PNLDC1: variants seen among roughly 807,000 people sequenced by gnomAD.
PNLDC1 encodes the protein PARN like ribonuclease domain containing exonuclease 1, also known as poly(A)-specific ribonuclease PNLDC1.
A neutral mutation model predicts 82.0 loss-of-function variants in PNLDC1; 70 were observed. The observed-to-expected ratio is 0.85, with a 90% CI of 0.70 to 1.04. The LOEUF (loss-of-function observed/expected upper bound fraction) is 1.04, where lower values mean the gene tolerates loss of function less well. Among genes scored for constraint, PNLDC1 ranks in the 50% least tolerant of loss-of-function variants. The pLI is 0.00. For missense variants in PNLDC1, 631 were observed against 661.1 expected, an observed-to-expected ratio of 0.95 and a Z score of 0.50; for synonymous variants, 280 against 249.3, an observed-to-expected ratio of 1.12 and a Z score of -1.16.
At chr6:159,816,165 A>ACCCCTCCCCCCCCCCCCACC in intron 13 of PNLDC1, 132 bp downstream of exon 13, 1 of 77,552 alleles carries the variant, frequency 1.3e-5, no homozygotes, top group Non-Finnish European at 2.2e-5. Context: ...ACCCCCCCAC[A>ACCCCTCCCCCCCCCCCCACC]CCCCTCCCCT....
Position 159,800,311 on chromosome 6 carries a change from G to T in PNLDC1, c.4G>T (p.Asp2Tyr), listed in dbSNP as rs1781190428. The change falls in exon 1 of 19, where the codon GAC becomes TAC. Residue 2 changes from aspartate (D) to tyrosine (Y), a missense_variant. Asp to Tyr is a radical substitution (Grantham distance 160). Transcript: ENST00000392167. ...GACTCCGCGGAGCTGCACGGCCATGGACGTGGGCGCCGACGAGTTCGAGGA... is the reference window on the plus strand; with the variant it reads ...GACTCCGCGGAGCTGCACGGCCATGTACGTGGGCGCCGACGAGTTCGAGGA... M[D>Y]VGADEFEESL... 3.2e-6 allele frequency: 5 copies of T among 1,546,986 alleles called. No homozygotes were observed. The highest frequency in any genetic ancestry group is 4.4e-6 in the Non-Finnish European group (5 of 1,145,814).
At chr6:159,809,967 C>T in intron 9 of PNLDC1, 59 bp from the exon 10 acceptor site, 2 of 1,376,322 alleles carry the variant, frequency 1.5e-6, no homozygotes, top group African/African-American at 1.4e-5. Flanking sequence ...AACTGTTAGT[C>T]TGTAGTGTCT....
Position 159,809,094 on chromosome 6 carries a change from A to G in PNLDC1, c.719A>G (p.Glu240Gly). ...TGTGACCGAGAGAGCTGTTGGAAGG[A>G]AAATATTCTTCTCTCAGCAAGGGGT... ...TSCDRESCWK[E>G]NILLSARGFS... The change falls in exon 9 of 19, where the codon GAA becomes GGA. Residue 240 changes from glutamate to glycine, a missense_variant. Physicochemically the swap from Glu to Gly is moderately conservative, Grantham distance 98 (BLOSUM62 -2). Coordinates refer to ENST00000392167, the MANE Select transcript of PNLDC1 (RefSeq NM_001271862.2). 1 of 1,614,138 alleles carries G rather than the reference A, an allele frequency of 6.2e-7. No individual in the cohort carries two copies. Among genetic ancestry groups the G allele is most frequent in the East Asian group, 2.2e-5 (1 of 44,886 alleles).
In PNLDC1 at chr6:159,809,008, T is replaced by G. The variant is rs543515099; in HGVS notation, c.640-7T>G. On this transcript the variant is annotated splice_region_variant and splice_polypyrimidine_tract_variant and intron_variant, in intron 8 of 18. Transcript: ENST00000392167. ...CAGGATTCAGGGAATTTGTCCCTGCTTTTCAGGTGGTAGTGAAGAAAGTGA... is the reference window on the plus strand; with the variant it reads ...CAGGATTCAGGGAATTTGTCCCTGCGTTTCAGGTGGTAGTGAAGAAAGTGA... 6.2e-7 allele frequency: 1 copy of G among 1,611,614 alleles called. No homozygotes were observed. The highest frequency in any genetic ancestry group is 1.3e-5 in the African/African-American group (1 of 74,772).
At chr6:159,820,312 A>T in intron 18 of PNLDC1, 142 bp from the exon 19 acceptor site, 3 of 761,614 alleles carry the variant, frequency 3.9e-6, no homozygotes, top group Non-Finnish European at 6.6e-6. Flanking sequence ...GAGAGGCAGA[A>T]GTTCAGTGTT....
intron 6 of PNLDC1, 179 bp from the exon 7 acceptor site, chr6:159,805,804 T>C: frequency 3.4e-6 from 2 of 593,730 alleles, no homozygotes; most frequent in East Asian, 5.8e-5. Context: ...ATTCTTCCAA[T>C]TGTTTGGCTT....
At chr6:159,802,054 A>G (rs991496042) in intron 3 of PNLDC1, among the ~76,000 whole-genome samples, 2 of 151,974 alleles carry the variant, frequency 1.3e-5, no homozygotes, top group Non-Finnish European at 2.9e-5. Flanking sequence ...GGCCTGGCTA[A>G]TTTTTGTATT....
At chr6:159,804,120 C>G in intron 5 of PNLDC1, 32 bp downstream of exon 5, 3 of 1,607,800 alleles carry the variant, frequency 1.9e-6, no homozygotes, top group Non-Finnish European at 1.7e-6. Flanking sequence ...ACGGGAATGT[C>G]TTTTGTTTGT....
At position 159,801,817 on chromosome 6, in the gene PNLDC1, CTTT is replaced by C. The variant is rs534898784; in HGVS notation, c.208+640_208+642del. ...TTTAAGGTCATCTCAGTTTCAGAAA[CTTT>C]TTTTTTTTCCTTGATGGGATTTGGA... On this transcript the variant is annotated intron_variant, in intron 3 of 18. Coordinates refer to ENST00000392167, the MANE Select transcript of PNLDC1 (RefSeq NM_001271862.2). Among the ~76,000 whole-genome samples, 900 of 148,488 alleles carry C rather than the reference CTTT, an allele frequency of 6.1e-3. 9 individuals are homozygous for C. Among genetic ancestry groups the C allele is most frequent in the African/African-American group, 0.021 (871 of 40,524 alleles).
intron 12 of PNLDC1, 56 bp from the exon 13 acceptor site, chr6:159,815,913 C>A: frequency 7.2e-7 from 1 of 1,387,032 alleles, no homozygotes; most frequent in Non-Finnish European, 1.0e-6. Flanking sequence ...AGGGGGAATA[C>A]AAGAAGGGAT....
chr6:159,800,609 G>A (rs1226423267), intron 1 of PNLDC1, 163 bp from the exon 2 acceptor site: 11 of 1,569,708 alleles, frequency 7.0e-6, no homozygotes, highest in Middle Eastern at 2.1e-4. Flanking sequence ...CCAGGTGCCT[G>A]GCTGCTCCTT....
chr6:159,809,607 A>G (rs1460257285), intron 9 of PNLDC1, among the ~76,000 whole-genome samples: 2 of 152,062 alleles, frequency 1.3e-5, no homozygotes. Context: ...CTTCTCATTT[A>G]TAACTAGCTT....
chr6:159,806,596 T>G (rs1013257281), intron 7 of PNLDC1, among the ~76,000 whole-genome samples: 4 of 152,232 alleles, frequency 2.6e-5, no homozygotes, highest in African/African-American at 9.6e-5. Context: ...CGGACAAAGC[T>G]GCTGGCATCT....
chr6:159,800,861 G>C (rs574707865), intron 2 of PNLDC1, 32 bp downstream of exon 2: 4 of 1,613,932 alleles, frequency 2.5e-6, no homozygotes, highest in African/African-American at 2.7e-5. Flanking sequence ...CTCTGTATAA[G>C]AGCCTGGCCA....
rs765925836 is a variant in PNLDC1 at position 159,808,835 on chromosome 6, CG to C, written c.639+23del. The C allele has an allele frequency of 2.0e-5, 33 of 1,612,652 alleles. No individual in the cohort carries two copies. The highest frequency in any genetic ancestry group is 2.8e-5 in the Non-Finnish European group (33 of 1,178,914). On this transcript the variant is annotated intron_variant, in intron 8 of 18. Transcript: ENST00000392167. ...TGAGGGGGTGAGTTCTCACTGCGAA[CG>C]GGGCATCAGTGGCTCCATTGTTTCT...
chr6:159,803,898 C>A, intron 4 of PNLDC1, 67 bp from the exon 5 acceptor site: 1 of 1,541,108 alleles, frequency 6.5e-7, no homozygotes, highest in Non-Finnish European at 8.8e-7. Context: ...CACCCTGAAG[C>A]CAGCCCTGGG....
At chr6:159,812,099 A>AC (rs1221900117) in intron 11 of PNLDC1, among the ~76,000 whole-genome samples, 1 of 151,932 alleles carries the variant, frequency 6.6e-6, no homozygotes, top group African/African-American at 2.4e-5. Flanking sequence ...ACGGGGTTTC[A>AC]CCATGTTAGC....
Position 159,804,614 on chromosome 6 carries a change from G to A in PNLDC1, c.438G>A (p.Leu146=). Residue 146 remains leucine, a synonymous_variant, in exon 6 of 19, where the codon CTG becomes CTA. Coordinates refer to ENST00000392167, the MANE Select transcript of PNLDC1 (RefSeq NM_001271862.2). ...EQEKKIRHDI[L]TGNWRVRSSP... is the part of the protein sequence containing the mutation. ...AGAAGAAAATTAGACACGATATCCT[G>A]ACTGGGAACTGGAGAGTTCGCAGGT... 6.2e-7 allele frequency: 1 copy of A among 1,610,408 alleles called. No individual in the cohort carries two copies. The highest frequency in any genetic ancestry group is 2.2e-5 in the East Asian group (1 of 44,854).
chr6:159,802,172 T>C (rs150934118), intron 3 of PNLDC1, among the ~76,000 whole-genome samples: 5 of 152,260 alleles, frequency 3.3e-5, no homozygotes, highest in African/African-American at 4.8e-5. Flanking sequence ...GCTTTTGTAA[T>C]GTGAAATTAG....
Sources: gnomAD v4.1 joint callset for allele counts (sites outside exome capture counted in the v4.1 genomes callset) on GRCh38, gnomAD v4.1.1 for gene constraint, MANE v1.5 for transcripts, NCBI Gene and HGNC (gene_info 2026-07-23, HGNC 2026-07-21) for gene names.